The following HIP1 variants were observed in gnomAD, a reference collection of about 807,000 sequenced individuals.
HIP1 encodes huntingtin interacting protein 1.
Under a neutral mutation model 147.6 loss-of-function variants are expected in HIP1, and 65 were observed. That is an observed-to-expected ratio of 0.44 (90% CI 0.36 to 0.54). The LOEUF is 0.54. Among genes scored for constraint, HIP1 ranks in the 20% least tolerant of loss-of-function variants. The pLI, the probability that HIP1 is intolerant of heterozygous loss-of-function variation, is 0.00. For synonymous variants in HIP1, 479 were observed against 504.0 expected (o/e 0.95, Z 0.67); for missense variants, 1,061 against 1,299.6 (o/e 0.82, Z 2.82).
Position 75,536,450 on chromosome 7 carries a change from C to A in HIP1, c.*1722G>T. ...TAGCAATATTCTGTTGGAGCAGATC[C>A]TGGGAAGTGCTTGATGGCTACCACC... On this transcript the variant is annotated 3_prime_UTR_variant, in exon 31 of 31. Coordinates refer to ENST00000336926, the MANE Select transcript of HIP1 (RefSeq NM_005338.7). The A allele has an allele frequency of 4.4e-6, 1 of 229,276 alleles. No homozygotes were observed. Among genetic ancestry groups the A allele is most frequent in the East Asian group, 6.2e-5 (1 of 16,038 alleles). 14.2% of individuals were successfully genotyped at this position (229,276 alleles called of 1,614,324 possible).
chr7:75,589,968 C>T (rs901932512), intron 4 of HIP1, among the ~76,000 whole-genome samples: 2 of 151,782 alleles, frequency 1.3e-5, no homozygotes, highest in Admixed American at 6.6e-5. Context: ...CTCCTGACCT[C>T]GTGATCCGCC....
chr7:75,612,464 G>A (rs782024821), intron 1 of HIP1, among the ~76,000 whole-genome samples: 7 of 151,638 alleles, frequency 4.6e-5, no homozygotes, highest in Admixed American at 4.0e-4. Context: ...AGCCGAATTC[G>A]CGCCACTGCA....
rs1796522520 is a variant in HIP1 at position 75,592,224 on chromosome 7, G to GA, written c.328-113dup. On this transcript the variant is annotated intron_variant, in intron 3 of 30. Transcript: ENST00000336926. Reference sequence around the variant, plus strand: ...CTAGGGCAGGGGGACAGGCTGATGGGAGGGAGACTCACCCAACTCTAATGG... The same window carrying GA: ...CTAGGGCAGGGGGACAGGCTGATGGGAAGGGAGACTCACCCAACTCTAATGG... The GA allele has an allele frequency of 2.2e-6, 3 of 1,369,622 alleles. No individual in the cohort carries two copies. In the Admixed American group the frequency reaches 5.2e-5, roughly 24 times the overall value. 84.8% of individuals were successfully genotyped at this position (1,369,622 alleles called of 1,614,324 possible).
chr7:75,664,338 G>GTA (rs1799471177), intron 1 of HIP1, among the ~76,000 whole-genome samples: 1 of 100,504 alleles, frequency 9.9e-6, no homozygotes, highest in African/African-American at 4.0e-5. Context: ...GCATATATAT[G>GTA]TGTGTATGTA....
chr7:75,647,034 G>A (rs1798821204), intron 1 of HIP1, among the ~76,000 whole-genome samples: 1 of 151,818 alleles, frequency 6.6e-6, no homozygotes. Flanking sequence ...GGGCTTAGAG[G>A]CTCCGAGTAC....
chr7:75,619,814 T>G (rs988660547), intron 1 of HIP1, among the ~76,000 whole-genome samples: 1 of 152,208 alleles, frequency 6.6e-6, no homozygotes, highest in Non-Finnish European at 1.5e-5. Flanking sequence ...ATCTGTTACA[T>G]AAAGCTCAGA....
chr7:75,543,239 A>G (rs1794404895), intron 27 of HIP1, among the ~76,000 whole-genome samples: 1 of 152,206 alleles, frequency 6.6e-6, no homozygotes, highest in Admixed American at 6.6e-5. Context: ...CCAATTTGGG[A>G]TGACAAGAAA....
rs189618967 is a variant in HIP1, at chr7:75,587,649, G to T, written c.385-816C>A. On this transcript the variant is annotated intron_variant, in intron 4 of 30. Coordinates refer to ENST00000336926, the MANE Select transcript of HIP1 (RefSeq NM_005338.7). ...ATAAGGACTGCCTTTGATAAATTCT[G>T]GACAAAGCTTCCTACTTAAGAATGT... is the stretch of plus-strand genomic sequence containing the variant. Among the ~76,000 whole-genome samples the T allele has an allele frequency of 2.0e-3, 298 of 152,234 alleles. 1 individual carries two copies. The highest frequency in any genetic ancestry group is 3.7e-3 in the Non-Finnish European group (255 of 68,006).
chr7:75,546,888 G>T, intron 25 of HIP1, 51 bp downstream of exon 25: 2 of 1,279,554 alleles, frequency 1.6e-6, no homozygotes, highest in Non-Finnish European at 1.1e-6. Flanking sequence ...TGGAGCGGGA[G>T]TCTGTCACCA....
At chr7:75,591,950 A>G in intron 4 of HIP1, 106 bp downstream of exon 4, 1 of 928,476 alleles carries the variant, frequency 1.1e-6, no homozygotes, top group South Asian at 1.3e-5. Context: ...AGAAATCCTC[A>G]ACAAGCTGAA....
intron 4 of HIP1, among the ~76,000 whole-genome samples, chr7:75,591,031 G>A (rs1209449225): frequency 1.1e-4 from 16 of 151,696 alleles, no homozygotes; most frequent in African/African-American, 3.4e-4. Context: ...ATCAACCAGG[G>A]AGATTTTTTT....
intron 1 of HIP1, among the ~76,000 whole-genome samples, chr7:75,721,528 C>G: frequency 8.3e-6 from 1 of 120,486 alleles, no homozygotes; most frequent in East Asian, 2.4e-4. Flanking sequence ...GACCCTGTCT[C>G]AAAAAAAAAA....
chr7:75,645,116 A>G (rs1554510943), intron 1 of HIP1, among the ~76,000 whole-genome samples: 1 of 152,212 alleles, frequency 6.6e-6, no homozygotes, highest in Admixed American at 6.5e-5. Context: ...GTGTCATGCT[A>G]TGAATCATAA....
intron 1 of HIP1, among the ~76,000 whole-genome samples, chr7:75,694,563 T>A (rs1584956945): frequency 6.8e-6 from 1 of 147,148 alleles, no homozygotes; most frequent in South Asian, 2.2e-4. Flanking sequence ...CAGGCTGGAG[T>A]GCAGTGGTGT....
chr7:75,573,992 C>G, intron 7 of HIP1, 91 bp from the exon 8 acceptor site: 1 of 1,107,536 alleles, frequency 9.0e-7, no homozygotes, highest in Non-Finnish European at 1.3e-6. Context: ...CCAACATACA[C>G]CAAGGACCGA....
intron 29 of HIP1, among the ~76,000 whole-genome samples, chr7:75,541,332 C>G (rs191821774): frequency 6.6e-6 from 1 of 152,078 alleles, no homozygotes. Context: ...AGATCGAGAC[C>G]ATCCTGGCTA....
At chr7:75,731,551 T>A (rs1801839440) in intron 1 of HIP1, among the ~76,000 whole-genome samples, 1 of 149,720 alleles carries the variant, frequency 6.7e-6, no homozygotes, top group Non-Finnish European at 1.5e-5. Flanking sequence ...CGAGCAGCTC[T>A]CCTTGCAAGA....
At chr7:75,614,647 G>A (rs767835888) in intron 1 of HIP1, among the ~76,000 whole-genome samples, 5 of 152,030 alleles carry the variant, frequency 3.3e-5, no homozygotes, top group Admixed American at 1.3e-4. Context: ...CAGTCATGTC[G>A]GTTGCACGAC....
chr7:75,691,803 CA>C (rs1227292306), intron 1 of HIP1, among the ~76,000 whole-genome samples: 6 of 151,534 alleles, frequency 4.0e-5, no homozygotes, highest in Admixed American at 2.6e-4. Flanking sequence ...AACAAACAAA[CA>C]AAAAAAACTT....
Sources: gnomAD v4.1 joint callset for allele counts (sites outside exome capture counted in the v4.1 genomes callset) on GRCh38, gnomAD v4.1.1 for gene constraint, MANE v1.5 for transcripts, NCBI Gene and HGNC (gene_info 2026-07-23, HGNC 2026-07-21) for gene names.